CD244: variants seen among roughly 807,000 people sequenced by gnomAD.
CD244 encodes natural killer cell receptor 2B4.
In CD244, 20 loss-of-function variants were observed where a neutral mutation model predicts 45.5. That is an observed-to-expected ratio of 0.44 (90% CI 0.31 to 0.64). The LOEUF is 0.64. Ranked by LOEUF, CD244 falls within the 30% of genes least tolerant of loss-of-function variation. CD244 has a pLI of 0.08. For missense variants in CD244, 407 were observed against 426.9 expected, an observed-to-expected ratio of 0.95 and a Z score of 0.41; for synonymous variants, 185 against 160.5, an observed-to-expected ratio of 1.15 and a Z score of -1.15.
At chr1:160,832,061 C>T (rs773269456) in intron 8 of CD244, among the ~76,000 whole-genome samples, 1 of 152,090 alleles carries the variant, frequency 6.6e-6, no homozygotes, top group East Asian at 1.9e-4. Context: ...ATTCAACCAC[C>T]AGGCTCAGTG....
chr1:160,853,232 C>A (rs1669981529), intron 1 of CD244, among the ~76,000 whole-genome samples: 1 of 152,130 alleles, frequency 6.6e-6, no homozygotes, highest in East Asian at 1.9e-4. Flanking sequence ...GTGGATGGAT[C>A]TCACCACAAT....
intron 1 of CD244, among the ~76,000 whole-genome samples, chr1:160,861,583 C>G (rs1465181125): frequency 6.6e-6 from 1 of 152,172 alleles, no homozygotes; most frequent in Non-Finnish European, 1.5e-5. Context: ...GTAATCCCAG[C>G]ACTTTGGATG....
chr1:160,853,580 T>C (rs1440961206), intron 1 of CD244, among the ~76,000 whole-genome samples: 1 of 152,124 alleles, frequency 6.6e-6, no homozygotes, highest in Non-Finnish European at 1.5e-5. Flanking sequence ...GACTATTAAC[T>C]AAGATGTACT....
intron 1 of CD244, among the ~76,000 whole-genome samples, chr1:160,855,626 T>C (rs1192419732): frequency 6.6e-6 from 1 of 152,088 alleles, no homozygotes; most frequent in Non-Finnish European, 1.5e-5. Context: ...TAGTGAGGCA[T>C]AGAGGAGGAC....
chr1:160,848,670 T>G (rs1669817627), intron 1 of CD244, among the ~76,000 whole-genome samples: 1 of 152,166 alleles, frequency 6.6e-6, no homozygotes, highest in South Asian at 2.1e-4. Context: ...CCAGTCACAT[T>G]TCTACAAGGT....
At chr1:160,852,861 A>C (rs1170747818) in intron 1 of CD244, among the ~76,000 whole-genome samples, 1 of 152,116 alleles carries the variant, frequency 6.6e-6, no homozygotes, top group African/African-American at 2.4e-5. Flanking sequence ...CATCTCAAAA[A>C]AAAGAAAAAA....
chr1:160,858,306 G>A (rs12040152), intron 1 of CD244, among the ~76,000 whole-genome samples: 37,471 of 151,864 alleles, frequency 0.25, 4,981 homozygotes, highest in East Asian at 0.4. Context: ...CAAAGCAGTC[G>A]CAGTTAGACA....
chr1:160,849,283 C>CTTTTTTTTTTTTTTTTTTTTTTTTTTTTT lies in CD244; in HGVS notation c.62-7383_62-7382insAAAAAAAAAAAAAAAAAAAAAAAAAAAAA. On this transcript the variant is annotated intron_variant, in intron 1 of 8. Transcript: ENST00000368034. ...CATTCACATTTGTACCCATCTCTTT[C>CTTTTTTTTTTTTTTTTTTTTTTTTTTTTT]TTTTTTTTTTTTTTGTTTTACTTTA... 1.4e-5 allele frequency among the ~76,000 whole-genome samples: 2 copies of CTTTTTTTTTTTTTTTTTTTTTTTTTTTTT among 139,326 alleles called. 1 individual carries two copies. Among genetic ancestry groups the CTTTTTTTTTTTTTTTTTTTTTTTTTTTTT allele is most frequent in the Non-Finnish European group, 3.1e-5 (2 of 64,546 alleles). The allele number at this position is 139,326 out of a possible 152,430, so 91.4% of individuals were successfully genotyped here. A position where few individuals can be genotyped will look rare whatever the true frequency, so the allele number is the denominator to read the frequency against.
chr1:160,849,058 A>C (rs1157647908), intron 1 of CD244, among the ~76,000 whole-genome samples: 1 of 151,882 alleles, frequency 6.6e-6, no homozygotes, highest in Non-Finnish European at 1.5e-5. Context: ...GTGGTCTGAC[A>C]CTCTCTCCAG....
intron 1 of CD244, among the ~76,000 whole-genome samples, chr1:160,858,526 A>G (rs1670187850): frequency 6.6e-6 from 1 of 152,156 alleles, no homozygotes; most frequent in Admixed American, 6.5e-5. Context: ...TTGGGTCTAA[A>G]ATGAATTTTA....
Position 160,840,536 on chromosome 1 carries a change from C to A in CD244, c.655+674G>T, listed in dbSNP as rs1385274677. Among the ~76,000 whole-genome samples, 6 of 152,324 alleles carry A rather than the reference C, an allele frequency of 3.9e-5. 1 individual carries two copies. In the East Asian group the frequency reaches 1.2e-3, roughly 29 times the overall value. On this transcript the variant is annotated intron_variant, in intron 3 of 8. Coordinates refer to ENST00000368034, the MANE Select transcript of CD244 (RefSeq NM_016382.4). ...TCAGCCTCCCAAAGTGCTGGGATTACAGGGAGCCACTGCGCCCGGCCTGCC... is the reference window on the plus strand; with the variant it reads ...TCAGCCTCCCAAAGTGCTGGGATTAAAGGGAGCCACTGCGCCCGGCCTGCC...
Position 160,841,265 on chromosome 1 carries a change from A to G in CD244, c.600T>C (p.Val200=), listed in dbSNP as rs1221956588. The change falls in exon 3 of 9, where the codon GTT becomes GTC. Residue 200 remains valine, a synonymous_variant. Coordinates refer to ENST00000368034, the MANE Select transcript of CD244 (RefSeq NM_016382.4). ...GATTCAGGGTGTGGCTTTCCCAGCT[A>G]ACAGGATTGCTGACATTGCAGGTAT... The part of the protein sequence containing the change: ...HTYTCNVSNP[V]SWESHTLNLT... 3 of 1,614,122 alleles carry G rather than the reference A, an allele frequency of 1.9e-6. No homozygotes were observed. The Admixed American group carries it at 5.0e-5, about 27-fold the overall frequency.
At chr1:160,838,764 T>G (rs529538958) in intron 4 of CD244, 175 bp downstream of exon 4, 2 of 616,822 alleles carry the variant, frequency 3.2e-6, no homozygotes, top group Admixed American at 2.9e-5. Context: ...AGGCATGAAC[T>G]GGGAGAGAGA....
intron 1 of CD244, among the ~76,000 whole-genome samples, chr1:160,855,779 G>C (rs1378113813): frequency 6.6e-6 from 1 of 152,178 alleles, no homozygotes; most frequent in Non-Finnish European, 1.5e-5. Flanking sequence ...TAGTAACTCT[G>C]AAAGGGAGGG....
At chr1:160,836,774 T>C (rs1421855048) in intron 5 of CD244, among the ~76,000 whole-genome samples, 2 of 152,154 alleles carry the variant, frequency 1.3e-5, no homozygotes, top group African/African-American at 4.8e-5. Context: ...TTCCCTTTTC[T>C]TGTTCCTACC....
chr1:160,854,046 C>A (rs1670017661), intron 1 of CD244, among the ~76,000 whole-genome samples: 1 of 152,086 alleles, frequency 6.6e-6, no homozygotes, highest in African/African-American at 2.4e-5. Flanking sequence ...CCAGCAGTAG[C>A]ATGGTTAAGG....
Position 160,841,200 on chromosome 1 carries a change from T to C in CD244, c.655+10A>G. ...TCAGCGCTTGTTATAGCCCAGTGTGTTCCACTTACCCTGATGGGCATTCTG... is the reference window on the plus strand; with the variant it reads ...TCAGCGCTTGTTATAGCCCAGTGTGCTCCACTTACCCTGATGGGCATTCTG... On this transcript the variant is annotated intron_variant, in intron 3 of 8. Coordinates refer to ENST00000368034, the MANE Select transcript of CD244 (RefSeq NM_016382.4). 6.2e-7 allele frequency: 1 copy of C among 1,613,924 alleles called. No individual in the cohort carries two copies. The highest frequency in any genetic ancestry group is 1.1e-5 in the South Asian group (1 of 91,050).
At chr1:160,842,351 G>A (rs1410797442) in intron 1 of CD244, among the ~76,000 whole-genome samples, 1 of 152,088 alleles carries the variant, frequency 6.6e-6, no homozygotes, top group Non-Finnish European at 1.5e-5. Context: ...CTGGGCTTGA[G>A]GTGATCCTCC....
chr1:160,831,184 G>T lies in CD244; in HGVS notation c.*163C>A. On this transcript the variant is annotated 3_prime_UTR_variant, in exon 9 of 9. Coordinates refer to ENST00000368034, the MANE Select transcript of CD244 (RefSeq NM_016382.4). ...TATTTAACAGCCTTGCTCTTATCAT[G>T]GTTGTTAGACATCATTTTCAAAACA... 1 of 617,250 alleles carries T rather than the reference G, an allele frequency of 1.6e-6. No homozygotes were observed. The highest frequency in any genetic ancestry group is 2.9e-6 in the Non-Finnish European group (1 of 342,078). The allele number at this position is 617,250 out of a possible 1,614,324, so 38.2% of individuals were successfully genotyped here. A position where few individuals can be genotyped will look rare whatever the true frequency, so the allele number is the denominator to read the frequency against.
Sources: allele counts gnomAD v4.1 joint callset (sites outside exome capture counted in the v4.1 genomes callset), GRCh38; gene constraint gnomAD v4.1.1; transcripts MANE v1.5; gene names NCBI Gene and HGNC (gene_info 2026-07-23, HGNC 2026-07-21).